ABCA13: variants seen among roughly 807,000 people sequenced by gnomAD.
ABCA13 encodes the protein ATP-binding cassette sub-family A member 13.
ABCA13 carries 476 observed loss-of-function variants against 478.7 expected under a neutral mutation model. The observed-to-expected ratio is 0.99, with a 90% CI of 0.92 to 1.07. The LOEUF (loss-of-function observed/expected upper bound fraction) is 1.07, where lower values mean the gene tolerates loss of function less well. Ranked by LOEUF, ABCA13 falls within the 50% of genes least tolerant of loss-of-function variation. The pLI is 0.00. For synonymous variants in ABCA13, 2,252 were observed against 2,158.9 expected (o/e 1.04, Z -1.20); for missense variants, 6,060 against 5,910.6 (o/e 1.03, Z -0.83).
chr7:48,218,269 A>T (rs1451334132), intron 3 of ABCA13, among the ~76,000 whole-genome samples: 1 of 152,196 alleles, frequency 6.6e-6, no homozygotes, highest in Non-Finnish European at 1.5e-5. Context: ...GAGAGTTTGA[A>T]TCATGGTTCA....
chr7:48,531,987 T>C (rs1462115135), intron 55 of ABCA13, among the ~76,000 whole-genome samples: 1 of 152,078 alleles, frequency 6.6e-6, no homozygotes, highest in African/African-American at 2.4e-5. Flanking sequence ...GGATGCTCTT[T>C]ATTTTTTTCT....
At chr7:48,425,983 C>T (rs1015521353) in intron 41 of ABCA13, among the ~76,000 whole-genome samples, 4 of 152,110 alleles carry the variant, frequency 2.6e-5, no homozygotes, top group East Asian at 1.9e-4. Context: ...CCTCGTGATC[C>T]GCCCGCCTCG....
At chr7:48,489,092 C>T in intron 47 of ABCA13, 144 bp from the exon 48 acceptor site, 1 of 582,242 alleles carries the variant, frequency 1.7e-6, no homozygotes, top group East Asian at 2.9e-5. Flanking sequence ...TCACTGTCAG[C>T]CATGCAGGAA....
intron 59 of ABCA13, 41 bp downstream of exon 59, chr7:48,615,418 A>T: frequency 6.6e-7 from 1 of 1,506,058 alleles, no homozygotes; most frequent in Non-Finnish European, 9.0e-7. Context: ...TTTACTATGA[A>T]ATCAATAGCA....
At chr7:48,485,423 A>C (rs1332992207) in intron 47 of ABCA13, among the ~76,000 whole-genome samples, 1 of 152,148 alleles carries the variant, frequency 6.6e-6, no homozygotes, top group Non-Finnish European at 1.5e-5. Flanking sequence ...AACACAGCCT[A>C]GTTTTAGAAA....
intron 55 of ABCA13, among the ~76,000 whole-genome samples, chr7:48,558,096 G>A (rs1786032946): frequency 6.7e-6 from 1 of 149,950 alleles, no homozygotes. Flanking sequence ...AGGCTCTGAT[G>A]CATTCTTTAG....
chr7:48,634,758 A>G (rs1459918233), intron 59 of ABCA13, among the ~76,000 whole-genome samples: 6 of 152,170 alleles, frequency 3.9e-5, no homozygotes, highest in Admixed American at 1.3e-4. Flanking sequence ...TGTTAATGGA[A>G]GTATTATTAC....
chr7:48,278,081 T>G lies in ABCA13; in HGVS notation c.6900-13T>G. ...AAATTAAATTAAAAGTATATATATA[T>G]ATATATTTACAGTTTTGTCCCAAAA... On this transcript the variant is annotated splice_polypyrimidine_tract_variant and intron_variant, in intron 17 of 61. Coordinates refer to ENST00000435803, the MANE Select transcript of ABCA13 (RefSeq NM_152701.5). The G allele has an allele frequency of 1.0e-6, 1 of 989,832 alleles. No individual in the cohort carries two copies. Among genetic ancestry groups the G allele is most frequent in the East Asian group, 3.0e-5 (1 of 33,556 alleles). The allele number at this position is 989,832 out of a possible 1,614,324, so 61.3% of individuals were successfully genotyped here. A position where few individuals can be genotyped will look rare whatever the true frequency, so the allele number is the denominator to read the frequency against.
At chr7:48,406,440 G>A (rs10231448) in intron 39 of ABCA13, among the ~76,000 whole-genome samples, 17,779 of 152,218 alleles carry the variant, frequency 0.12, 1,216 homozygotes, top group Admixed American at 0.19. Context: ...TACCATGTGT[G>A]CGCTCAATCA....
intron 55 of ABCA13, among the ~76,000 whole-genome samples, chr7:48,565,207 T>A (rs1242295922): frequency 1.5e-5 from 2 of 134,510 alleles, no homozygotes; most frequent in Non-Finnish European, 3.1e-5. Flanking sequence ...GTGTGTAATT[T>A]AATGAGCTTT....
At chr7:48,560,434 TC>T (rs2131259858) in intron 55 of ABCA13, among the ~76,000 whole-genome samples, 1 of 152,304 alleles carries the variant, frequency 6.6e-6, no homozygotes, top group East Asian at 1.9e-4. Context: ...TGACTGTCTC[TC>T]CCACCCTCTT....
At chr7:48,245,465 AG>A in intron 11 of ABCA13, 46 bp from the exon 12 acceptor site, 1 of 1,482,804 alleles carries the variant, frequency 6.7e-7, no homozygotes, top group Non-Finnish European at 9.2e-7. Flanking sequence ...ATAAAAGTCA[AG>A]CTTACTTACC....
At chr7:48,308,080 G>T (rs1003143160) in intron 23 of ABCA13, among the ~76,000 whole-genome samples, 7 of 152,074 alleles carry the variant, frequency 4.6e-5, no homozygotes, top group Non-Finnish European at 7.4e-5. Context: ...GTTTTCCTTT[G>T]TGTCCTTATT....
At chr7:48,508,954 G>A (rs1831446292) in intron 50 of ABCA13, among the ~76,000 whole-genome samples, 1 of 152,064 alleles carries the variant, frequency 6.6e-6, no homozygotes. Flanking sequence ...CAATTTATCG[G>A]GGTCACACCT....
At chr7:48,509,574 A>T (rs1399180293) in intron 50 of ABCA13, among the ~76,000 whole-genome samples, 1 of 152,056 alleles carries the variant, frequency 6.6e-6, no homozygotes, top group Non-Finnish European at 1.5e-5. Context: ...TTACTCTGTG[A>T]TGTTTGATCT....
At chr7:48,430,456 A>G (rs1160891599) in intron 42 of ABCA13, among the ~76,000 whole-genome samples, 1 of 152,078 alleles carries the variant, frequency 6.6e-6, no homozygotes, top group Admixed American at 6.5e-5. Flanking sequence ...TGGGTGGATC[A>G]TGAGGTCAGG....
intron 3 of ABCA13, among the ~76,000 whole-genome samples, chr7:48,204,378 T>G (rs1562773684): frequency 6.6e-6 from 1 of 151,872 alleles, no homozygotes; most frequent in Admixed American, 6.6e-5. Context: ...CCCAGCTAAT[T>G]TTTTGTATTT....
At chr7:48,555,571 T>C (rs183111379) in intron 55 of ABCA13, among the ~76,000 whole-genome samples, 1 of 151,934 alleles carries the variant, frequency 6.6e-6, no homozygotes, top group Admixed American at 6.6e-5. Flanking sequence ...TGTATGTGTC[T>C]AGGAATTTAT....
At chr7:48,565,234 C>A (rs1422000509) in intron 55 of ABCA13, among the ~76,000 whole-genome samples, 1 of 85,416 alleles carries the variant, frequency 1.2e-5, no homozygotes, top group Admixed American at 1.2e-4. Context: ...TTTTTTTTTG[C>A]CAGTAGTTTA....
Sources: allele counts gnomAD v4.1 joint callset (sites outside exome capture counted in the v4.1 genomes callset), GRCh38; gene constraint gnomAD v4.1.1; transcripts MANE v1.5; gene names NCBI Gene and HGNC (gene_info 2026-07-23, HGNC 2026-07-21).